Variants in ZNF611 observed in about 807,000 individuals in gnomAD.
The protein encoded by ZNF611 is zinc finger protein 611.
ZNF611 carries 6 observed loss-of-function variants against 8.9 expected under a neutral mutation model. The ratio of observed to expected loss-of-function variants is 0.68; its 90% CI spans 0.37 to 1.34. The LOEUF (loss-of-function observed/expected upper bound fraction) is 1.34, where lower values mean the gene tolerates loss of function less well. Among genes scored for constraint, ZNF611 ranks in the 40% most tolerant of loss-of-function variants. The pLI, the probability that ZNF611 is intolerant of heterozygous loss-of-function variation, is 0.02. For synonymous variants in ZNF611, 262 were observed against 279.7 expected (o/e 0.94, Z 0.63); for missense variants, 874 against 841.3 (o/e 1.04, Z -0.48).
At chr19:52,713,886 C>A in intron 5 of ZNF611, 129 bp downstream of exon 5, 1 of 1,529,948 alleles carries the variant, frequency 6.5e-7, no homozygotes, top group South Asian at 1.3e-5. Context: ...AGCGAAACAC[C>A]ATCTCAAAAA....
chr19:52,713,796 C>T (rs2062296204), intron 5 of ZNF611, among the ~76,000 whole-genome samples: 1 of 152,062 alleles, frequency 6.6e-6, no homozygotes, highest in South Asian at 2.1e-4. Context: ...GAGGCTGAGG[C>T]AGGAGAATCA....
rs976307722 is a variant in ZNF611 at position 52,704,770 on chromosome 19, T to G, written c.*167A>C. On this transcript the variant is annotated 3_prime_UTR_variant, in exon 6 of 6. Coordinates refer to ENST00000652185, the MANE Select transcript of ZNF611 (RefSeq NM_001161499.2). The stretch of plus-strand genomic sequence containing the variant: ...AAAGGCTTTGCCACACTCATTACAC[T>G]TGTAAGGTTTCTCTCCAGTGTGAAG... 2.6e-5 allele frequency: 42 copies of G among 1,594,828 alleles called. No individual in the cohort carries two copies. Among genetic ancestry groups the G allele is most frequent in the Non-Finnish European group, 3.4e-5 (40 of 1,163,278 alleles).
In ZNF611 at chr19:52,704,772, G is replaced by T. The variant is rs2062227502; in HGVS notation, c.*165C>A. The stretch of plus-strand genomic sequence containing the variant: ...AGGCTTTGCCACACTCATTACACTT[G>T]TAAGGTTTCTCTCCAGTGTGAAGTC... On this transcript the variant is annotated 3_prime_UTR_variant, in exon 6 of 6. Transcript: ENST00000652185. The T allele has an allele frequency of 5.6e-6, 9 of 1,594,280 alleles. No individual in the cohort carries two copies. Among genetic ancestry groups the T allele is most frequent in the Non-Finnish European group, 7.7e-6 (9 of 1,162,732 alleles).
rs2062222127 is a variant in ZNF611, at chr19:52,703,928, T to C, written c.*1009A>G. The stretch of plus-strand genomic sequence containing the variant: ...TAAAAATTACTATGATATATCCCTT[T>C]CAAAAAGTACTAACTGAAAAAAGTA... On this transcript the variant is annotated 3_prime_UTR_variant, in exon 6 of 6. Coordinates refer to ENST00000652185, the MANE Select transcript of ZNF611 (RefSeq NM_001161499.2). 6.0e-6 allele frequency: 1 copy of C among 167,600 alleles called. No homozygotes were observed. Among genetic ancestry groups the C allele is most frequent in the Non-Finnish European group, 1.3e-5 (1 of 77,340 alleles). The allele number at this position is 167,600 out of a possible 1,614,324, so 10.4% of individuals were successfully genotyped here.
rs990669718 is a variant in ZNF611, at chr19:52,727,254, C to T, written c.-20+1476G>A. On this transcript the variant is annotated intron_variant, in intron 3 of 5. Transcript: ENST00000652185. ...TGCCCCAAATGAGAAATCATCTCCACGATGATAATAGAGAAAGAAAGAATA... is the reference window on the plus strand; with the variant it reads ...TGCCCCAAATGAGAAATCATCTCCATGATGATAATAGAGAAAGAAAGAATA... Among the ~76,000 whole-genome samples the T allele has an allele frequency of 4.6e-5, 7 of 151,562 alleles. No homozygotes were observed. In the South Asian group the frequency reaches 8.3e-4, roughly 18 times the overall value.
In ZNF611 at chr19:52,735,004, G is replaced by C. The variant is rs1432954448; in HGVS notation, c.-225C>G. 1 of 153,218 alleles carries C rather than the reference G, an allele frequency of 6.5e-6. No homozygotes were observed. The highest frequency in any genetic ancestry group is 1.9e-4 in the East Asian group (1 of 5,170). The allele number at this position is 153,218 out of a possible 1,614,324, so 9.5% of individuals were successfully genotyped here. A position where few individuals can be genotyped will look rare whatever the true frequency, so the allele number is the denominator to read the frequency against. The stretch of plus-strand genomic sequence containing the variant: ...TACAACACAGAGCAAAACTCACCGC[G>C]GCGATATGACCTACACTCCACCCGA... On this transcript the variant is annotated 5_prime_UTR_variant, in exon 1 of 6. Transcript: ENST00000652185.
At chr19:52,730,411 A>AC (rs2062418726) in intron 1 of ZNF611, among the ~76,000 whole-genome samples, 1 of 150,418 alleles carries the variant, frequency 6.6e-6, no homozygotes, top group Non-Finnish European at 1.5e-5. Flanking sequence ...AAAAAAAAAA[A>AC]AAAAAAAAAA....
In ZNF611 at chr19:52,702,901, A is replaced by G. The variant is rs1018542352; in HGVS notation, c.*2036T>C. 9.2e-5 allele frequency: 14 copies of G among 152,212 alleles called. No homozygotes were observed. Among genetic ancestry groups the G allele is most frequent in the Non-Finnish European group, 1.9e-4 (13 of 68,044 alleles). The allele number at this position is 152,212 out of a possible 1,614,324, so 9.4% of individuals were successfully genotyped here. A position where few individuals can be genotyped will look rare whatever the true frequency, so the allele number is the denominator to read the frequency against. Reference sequence around the variant, plus strand: ...CAATCAAACTTAAGTTTAGGTACCAAAGGTTTTCAATAAATAACAAAGACT... The same window carrying G: ...CAATCAAACTTAAGTTTAGGTACCAGAGGTTTTCAATAAATAACAAAGACT... On this transcript the variant is annotated 3_prime_UTR_variant, in exon 6 of 6. Coordinates refer to ENST00000652185, the MANE Select transcript of ZNF611 (RefSeq NM_001161499.2).
chr19:52,730,785 T>C (rs377367154), intron 1 of ZNF611, among the ~76,000 whole-genome samples: 15 of 151,968 alleles, frequency 9.9e-5, no homozygotes, highest in East Asian at 7.8e-4. Flanking sequence ...GGTTTCTCTA[T>C]TTTGGTCAGG....
In ZNF611 at chr19:52,705,867, T is replaced by C. The variant is rs1426216361; in HGVS notation, c.1188A>G (p.Lys396=). Residue 396 remains lysine, a synonymous_variant, in exon 6 of 6, where the codon AAA becomes AAG. Transcript: ENST00000652185. ...TGTCACAAACCTTACATCTGTATGG[T>C]TTCTCTCCAGTATGAATTCTCTTAT... ...ETHKRIHTGE[K]PYRCKVCDTA... 7.4e-6 allele frequency: 12 copies of C among 1,614,140 alleles called. No homozygotes were observed. Among genetic ancestry groups the C allele is most frequent in the East Asian group, 2.2e-5 (1 of 44,874 alleles).
chr19:52,732,041 C>T (rs1374632939), intron 1 of ZNF611, among the ~76,000 whole-genome samples: 4 of 151,844 alleles, frequency 2.6e-5, no homozygotes, highest in East Asian at 2.0e-4. Flanking sequence ...GAGGCTGAGG[C>T]GGGCGGATCA....
In ZNF611 at chr19:52,705,935, C is replaced by G. The variant is rs1025120276; in HGVS notation, c.1120G>C (p.Glu374Gln). ...TTCCGACTGAAAACTTTGTCACATT[C>G]TTCACATTTGTAAGGTTTCTCTCCA... ...HTGEKPYKCE[E>Q]CDKVFSRKST... The change falls in exon 6 of 6, where the codon GAA becomes CAA. Residue 374 changes from glutamate (E) to glutamine (Q), a missense_variant. Coordinates refer to ENST00000652185, the MANE Select transcript of ZNF611 (RefSeq NM_001161499.2). The G allele has an allele frequency of 6.8e-6, 11 of 1,613,994 alleles. No individual in the cohort carries two copies. The highest frequency in any genetic ancestry group is 9.3e-6 in the Non-Finnish European group (11 of 1,180,020).
intron 5 of ZNF611, among the ~76,000 whole-genome samples, chr19:52,713,169 C>A (rs1375389783): frequency 6.6e-6 from 1 of 152,136 alleles, no homozygotes; most frequent in Non-Finnish European, 1.5e-5. Flanking sequence ...GCACTCAAGC[C>A]TGGGCAACAG....
intron 1 of ZNF611, among the ~76,000 whole-genome samples, chr19:52,730,520 G>C (rs2147449878): frequency 6.6e-6 from 1 of 152,012 alleles, no homozygotes; most frequent in Middle Eastern, 3.4e-3. Flanking sequence ...GGGCCTGTGA[G>C]AGAATTTGGT....
intron 5 of ZNF611, 23 bp downstream of exon 5, chr19:52,713,992 G>A: frequency 6.2e-7 from 1 of 1,613,864 alleles, no homozygotes; most frequent in Non-Finnish European, 8.5e-7. Context: ...GACTCCTCAT[G>A]TCTGCAGGGA....
At chr19:52,734,849 G>C (rs890223466) in intron 1 of ZNF611, among the ~76,000 whole-genome samples, 152 bp downstream of exon 1, 5 of 152,228 alleles carry the variant, frequency 3.3e-5, no homozygotes, top group African/African-American at 1.2e-4. Flanking sequence ...AAAAGGAAGC[G>C]ACCCTCGGGC....
chr19:52,718,713 A>G (rs1390582820), intron 3 of ZNF611, among the ~76,000 whole-genome samples: 1 of 151,910 alleles, frequency 6.6e-6, no homozygotes, highest in African/African-American at 2.4e-5. Flanking sequence ...CAGGAGAATC[A>G]CTTGAACTCC....
chr19:52,705,412 G>GC lies in ZNF611; in HGVS notation c.1642dup (p.Ala548GlyfsTer11). On this transcript the variant is annotated frameshift_variant, in exon 6 of 6. Coordinates refer to ENST00000652185, the MANE Select transcript of ZNF611 (RefSeq NM_001161499.2). LOFTEE classifies it low-confidence loss of function (END_TRUNC). Reference sequence around the variant, plus strand: ...ATGTTTTGCCAGATAGGAATGACACGCAAAAGCCTTGTCACAAACCTTACA... The same window carrying GC: ...ATGTTTTGCCAGATAGGAATGACACGCCAAAAGCCTTGTCACAAACCTTACA... 1 of 1,613,740 alleles carries GC rather than the reference G, an allele frequency of 6.2e-7. No individual in the cohort carries two copies.
At position 52,726,345 on chromosome 19, in the gene ZNF611, C is replaced by T. The variant is rs573080272; in HGVS notation, c.-20+2385G>A. ...ACCTGGGGGTCCAGGCCAGCCTGGG[C>T]GACAAAGTAACACCCCCTCCCGCAG... On this transcript the variant is annotated intron_variant, in intron 3 of 5. Coordinates refer to ENST00000652185, the MANE Select transcript of ZNF611 (RefSeq NM_001161499.2). Among the ~76,000 whole-genome samples the T allele has an allele frequency of 8.7e-3, 1,319 of 152,292 alleles. 20 individuals are homozygous for T. Among genetic ancestry groups the T allele is most frequent in the African/African-American group, 0.029 (1,221 of 41,558 alleles).
Sources: allele counts gnomAD v4.1 joint callset (sites outside exome capture counted in the v4.1 genomes callset), GRCh38; gene constraint gnomAD v4.1.1; transcripts MANE v1.5; gene names NCBI Gene and HGNC (gene_info 2026-07-23, HGNC 2026-07-21).